Variants in PWWP2A observed in about 807,000 individuals in gnomAD.
PWWP2A encodes PWWP domain-containing protein 2A.
A neutral mutation model predicts 48.5 loss-of-function variants in PWWP2A; 18 were observed. The observed-to-expected ratio is 0.37, with a 90% confidence interval of 0.26 to 0.55. PWWP2A has a LOEUF of 0.55. PWWP2A is among the 20% of genes least tolerant of loss of function. The pLI is 0.81. For missense variants in PWWP2A, 867 were observed against 976.4 expected, an observed-to-expected ratio of 0.89 and a Z score of 1.49; for synonymous variants, 396 against 387.7, an observed-to-expected ratio of 1.02 and a Z score of -0.25.
At position 160,093,020 on chromosome 5, in the gene PWWP2A, G is replaced by C. The variant is rs1182045868; in HGVS notation, c.1630C>G (p.His544Asp). The change falls in exon 2 of 2, where the codon CAT becomes GAT. Residue 544 changes from histidine (H) to aspartate (D), a missense_variant. Physicochemically the swap from His to Asp is moderately conservative, Grantham distance 81. This residue lies in a region of PWWP2A where 382 missense variants were observed against 407.2 expected (regional missense o/e 0.94). Transcript: ENST00000307063. The surrounding 1 kb of genome is among the most constrained non-coding windows in gnomAD (Gnocchi z 5.8). ...GGTTCATCCTGATCACCAGGCACAT[G>C]CACTTCATTTGTGTCCTGAACCTCA... ...SSEVQDTNEV[H>D]VPGDQDEPQT... is the part of the protein sequence containing the mutation. 1 of 1,595,610 alleles carries C rather than the reference G, an allele frequency of 6.3e-7. No individual in the cohort carries two copies. The highest frequency in any genetic ancestry group is 8.5e-7 in the Non-Finnish European group (1 of 1,170,714).
chr5:160,098,039 C>G (rs2113569393), intron 1 of PWWP2A, among the ~76,000 whole-genome samples: 2 of 152,244 alleles, frequency 1.3e-5, no homozygotes, highest in South Asian at 4.1e-4. Flanking sequence ...TAGGCTCCTT[C>G]CCATGTCTTT....
At chr5:160,083,523 T>C (rs73311123) in intron 2 of PWWP2A, among the ~76,000 whole-genome samples, 1,943 of 152,306 alleles carry the variant, frequency 0.013, 48 homozygotes, top group African/African-American at 0.044. Context: ...GCTACGGTCC[T>C]AGGGAAGCAC....
In PWWP2A at chr5:160,106,175, C is replaced by A. The variant is rs375149728; in HGVS notation, c.585-12110G>T. Among the ~76,000 whole-genome samples, 17 of 152,222 alleles carry A rather than the reference C, an allele frequency of 1.1e-4. 1 individual carries two copies. The highest frequency in any genetic ancestry group is 4.1e-4 in the African/African-American group (17 of 41,536). Reference sequence around the variant, plus strand: ...CAAAACTATAAACTAAGTGGTATGGCGAAATATAGTTAAGTACATTTTAAT... The same window carrying A: ...CAAAACTATAAACTAAGTGGTATGGAGAAATATAGTTAAGTACATTTTAAT... On this transcript the variant is annotated intron_variant, in intron 1 of 1. Coordinates refer to ENST00000307063, the MANE Select transcript of PWWP2A (RefSeq NM_001130864.2).
At chr5:160,081,641 T>G (rs968794110) in intron 2 of PWWP2A, among the ~76,000 whole-genome samples, 2 of 152,208 alleles carry the variant, frequency 1.3e-5, no homozygotes, top group South Asian at 2.1e-4. Flanking sequence ...CTAAATTTAC[T>G]GTGTGAGGTA....
At chr5:160,087,590 A>C (rs71603653), downstream of PWWP2A, among the ~76,000 whole-genome samples, 1 of 152,228 alleles carries the variant, frequency 6.6e-6, no homozygotes, top group Non-Finnish European at 1.5e-5. Flanking sequence ...AATTTAAAAA[A>C]TTTCTATCAA....
chr5:160,119,323 C>T lies in PWWP2A; in HGVS notation c.66G>A (p.Glu22=). Residue 22 remains glutamate, a synonymous_variant, in exon 1 of 2, where the codon GAG becomes GAA. Transcript: ENST00000307063. Reference sequence around the variant, plus strand: ...GGATGGGCTCCATCTCCGGCTCGGCCTCGCCGGCGCCCCCCTCCCCGGGGG... The same window carrying T: ...GGATGGGCTCCATCTCCGGCTCGGCTTCGCCGGCGCCCCCCTCCCCGGGGG... ...AASPGEGGAG[E]AEPEMEPIPG... is the part of the protein sequence containing the mutation. 7.2e-7 allele frequency: 1 copy of T among 1,389,118 alleles called. No individual in the cohort carries two copies. The highest frequency in any genetic ancestry group is 9.3e-7 in the Non-Finnish European group (1 of 1,078,444). 86.0% of individuals were successfully genotyped at this position (1,389,118 alleles called of 1,614,324 possible). A position where few individuals can be genotyped will look rare whatever the true frequency, so the allele number is the denominator to read the frequency against.
intron 1 of PWWP2A, among the ~76,000 whole-genome samples, chr5:160,098,256 C>T (rs180687957): frequency 5.3e-5 from 8 of 152,056 alleles, no homozygotes; most frequent in African/African-American, 7.2e-5. Context: ...GGAAGAAGCA[C>T]CTAATTGTGT....
chr5:160,045,562 CT>C, the PWWP2A span, among the ~76,000 whole-genome samples: 1 of 140,870 alleles, frequency 7.1e-6, no homozygotes, highest in Non-Finnish European at 1.5e-5. Flanking sequence ...TCCCCCTCCC[CT>C]CTCTCAATCT....
intron 1 of PWWP2A, among the ~76,000 whole-genome samples, chr5:160,112,493 A>G (rs1757694638): frequency 6.6e-6 from 1 of 152,150 alleles, no homozygotes; most frequent in Admixed American, 6.5e-5. Flanking sequence ...ACTTGCTGAG[A>G]TTACAGGCAT....
chr5:160,069,651 C>T (rs934974093), intron 2 of PWWP2A, among the ~76,000 whole-genome samples: 2 of 151,808 alleles, frequency 1.3e-5, no homozygotes, highest in Non-Finnish European at 2.9e-5. Context: ...ATCACTTGAG[C>T]TCAGAAGTTT....
intron 1 of PWWP2A, among the ~76,000 whole-genome samples, chr5:160,110,431 A>C (rs1468350083): frequency 6.6e-6 from 1 of 152,106 alleles, no homozygotes; most frequent in East Asian, 1.9e-4. Flanking sequence ...CACTGGCCGG[A>C]CGTGGTGGCT....
chr5:160,087,072 C>T (rs1444960048), downstream of PWWP2A, among the ~76,000 whole-genome samples: 2 of 140,458 alleles, frequency 1.4e-5, no homozygotes, highest in Non-Finnish European at 3.2e-5. Context: ...TTGGCAGTTA[C>T]AGTTCTTAAA....
At chr5:160,086,997 G>T (rs111452032), downstream of PWWP2A, among the ~76,000 whole-genome samples, 1,669 of 152,210 alleles carry the variant, frequency 0.011, 30 homozygotes, top group African/African-American at 0.038. Context: ...TACTGGAAGG[G>T]AACAGTTTTA....
chr5:160,091,268 CACTCTT>C, downstream of PWWP2A: 2 of 976,056 alleles, frequency 2.0e-6, no homozygotes. Context: ...CTCTTCTAAA[CACTCTT>C]ACAAAGAATA....
Position 160,092,718 on chromosome 5 carries a change from T to A in PWWP2A, c.1932A>T (p.Lys644Asn). 6.4e-7 allele frequency: 1 copy of A among 1,551,622 alleles called. No homozygotes were observed. Among genetic ancestry groups the A allele is most frequent in the Non-Finnish European group, 8.7e-7 (1 of 1,146,976 alleles). Residue 644 changes from lysine to asparagine, a missense_variant, in exon 2 of 2, where the codon AAA becomes AAT. Coordinates refer to ENST00000307063, the MANE Select transcript of PWWP2A (RefSeq NM_001130864.2). ...KMKVFSKNVS[K>N]CVTPDGRTIC... The stretch of plus-strand genomic sequence containing the variant: ...TGGTCCTGCCATCTGGTGTGACGCA[T>A]TTAGAGACGTTTTTGGAAAAGACTT...
At chr5:160,049,545 A>G in the PWWP2A span, 2 of 1,593,414 alleles carry the variant, frequency 1.3e-6, no homozygotes, top group Non-Finnish European at 1.7e-6. Context: ...ATATCAGGGC[A>G]ATATTGAGGA....
intron 2 of PWWP2A, among the ~76,000 whole-genome samples, chr5:160,081,194 C>T (rs1490471357): frequency 3.3e-5 from 5 of 151,790 alleles, no homozygotes; most frequent in South Asian, 2.1e-4. Context: ...AAGGCTGAAC[C>T]GTCATCTCTG....
At chr5:160,079,847 A>G (rs993148418) in intron 3 of PWWP2A, among the ~76,000 whole-genome samples, 2 of 152,208 alleles carry the variant, frequency 1.3e-5, no homozygotes, top group African/African-American at 2.4e-5. Flanking sequence ...CCCAGCTGCA[A>G]TCTCTAATCC....
chr5:160,064,933 T>A, intron 4 of PWWP2A: 1 of 1,606,384 alleles, frequency 6.2e-7, no homozygotes, highest in Non-Finnish European at 8.5e-7. Context: ...ACATTACAGG[T>A]AAATTAAAAG....
Sources: allele counts gnomAD v4.1 joint callset (sites outside exome capture counted in the v4.1 genomes callset), GRCh38; gene constraint gnomAD v4.1.1; regional missense constraint gnomAD v4.1.1; non-coding constraint Gnocchi (gnomAD v3.1); transcripts MANE v1.5; gene names NCBI Gene and HGNC (gene_info 2026-07-23, HGNC 2026-07-21).